COL15A1: variants seen among roughly 807,000 people sequenced by gnomAD.
COL15A1 encodes collagen type XV alpha 1 chain.
A neutral mutation model predicts 165.9 loss-of-function variants in COL15A1; 111 were observed. The ratio of observed to expected loss-of-function variants is 0.67; its 90% CI spans 0.57 to 0.78. COL15A1 has a LOEUF of 0.78. Among genes scored for constraint, COL15A1 ranks in the 30% least tolerant of loss-of-function variants. The pLI, the probability that COL15A1 is intolerant of heterozygous loss-of-function variation, is 0.00. For synonymous variants in COL15A1, 659 were observed against 674.8 expected (o/e 0.98, Z 0.36); for missense variants, 1,745 against 1,789.7 (o/e 0.98, Z 0.45).
chr9:99,064,621 GAGAA>G (rs1037659539), intron 39 of COL15A1, among the ~76,000 whole-genome samples: 28 of 152,290 alleles, frequency 1.8e-4, no homozygotes, highest in African/African-American at 6.5e-4. Context: ...GGAGAAATAT[GAGAA>G]AGAAACTGAG....
At chr9:99,005,739 C>T (rs1185623753) in intron 9 of COL15A1, among the ~76,000 whole-genome samples, 1 of 152,220 alleles carries the variant, frequency 6.6e-6, no homozygotes, top group Non-Finnish European at 1.5e-5. Flanking sequence ...GAATCGCCGG[C>T]TCTGTCCTCC....
chr9:99,047,683 T>C, intron 26 of COL15A1, 103 bp from the exon 27 acceptor site: 1 of 1,204,820 alleles, frequency 8.3e-7, no homozygotes, highest in South Asian at 1.2e-5. Context: ...CTCCTGTCAG[T>C]GGATCATCGT....
intron 11 of COL15A1, among the ~76,000 whole-genome samples, chr9:99,017,523 T>C (rs994748688): frequency 1.3e-5 from 2 of 152,182 alleles, no homozygotes; most frequent in African/African-American, 4.8e-5. Flanking sequence ...AGAACAACTC[T>C]GGTTTTTAAC....
chr9:99,027,074 C>A (rs1033187784), intron 16 of COL15A1, among the ~76,000 whole-genome samples: 24 of 152,322 alleles, frequency 1.6e-4, no homozygotes, highest in African/African-American at 5.8e-4. Context: ...TGTGCTGGTG[C>A]TACCTGGGGC....
intron 9 of COL15A1, among the ~76,000 whole-genome samples, chr9:99,007,646 A>T (rs975247853): frequency 6.6e-6 from 1 of 152,248 alleles, no homozygotes; most frequent in Non-Finnish European, 1.5e-5. Flanking sequence ...AAATTGATAT[A>T]GGTCATATTA....
chr9:98,977,523 C>T lies in COL15A1; in HGVS notation c.101-8042C>T, dbSNP rs550245984. Among the ~76,000 whole-genome samples, 6 of 152,342 alleles carry T rather than the reference C, an allele frequency of 3.9e-5. No homozygotes were observed. In the East Asian group the frequency reaches 7.7e-4, roughly 20 times the overall value. Reference sequence around the variant, plus strand: ...GGGTCACTCCAGGTCAGGGGTCGTCCCCTACCACGCCATGCCATGGGACAG... The same window carrying T: ...GGGTCACTCCAGGTCAGGGGTCGTCTCCTACCACGCCATGCCATGGGACAG... On this transcript the variant is annotated intron_variant, in intron 2 of 41. Coordinates refer to ENST00000375001, the MANE Select transcript of COL15A1 (RefSeq NM_001855.5).
intron 2 of COL15A1, among the ~76,000 whole-genome samples, chr9:98,962,869 A>G (rs1048046902): frequency 4.6e-5 from 7 of 152,212 alleles, no homozygotes; most frequent in African/African-American, 1.4e-4. Context: ...TCCAAGAGGG[A>G]AGGAACTTGT....
intron 24 of COL15A1, among the ~76,000 whole-genome samples, chr9:99,044,255 C>G (rs1158632916): frequency 2.6e-5 from 4 of 152,032 alleles, no homozygotes; most frequent in African/African-American, 7.2e-5. Flanking sequence ...GGATGCAAAT[C>G]TGTTATCAGT....
intron 16 of COL15A1, among the ~76,000 whole-genome samples, chr9:99,031,056 C>T (rs960760909): frequency 3.3e-5 from 5 of 152,182 alleles, no homozygotes; most frequent in Admixed American, 2.0e-4. Flanking sequence ...CTTCTTTCAC[C>T]GAGCACACCT....
intron 39 of COL15A1, 135 bp downstream of exon 39, chr9:99,063,244 A>G: frequency 9.0e-7 from 1 of 1,105,416 alleles, no homozygotes; most frequent in Non-Finnish European, 1.2e-6. Context: ...AAAACAGAGA[A>G]TTACAATACA....
In COL15A1 at chr9:99,055,109, A is replaced by G; in HGVS notation, c.3039A>G (p.Pro1013=). Residue 1013 remains proline (P), a synonymous_variant, in exon 33 of 42, where the codon CCA becomes CCG. Coordinates refer to ENST00000375001, the MANE Select transcript of COL15A1 (RefSeq NM_001855.5). ...DQGAQGPPGP[P]LDLAYLRHFL... is the part of the protein sequence containing the mutation. ...GAAGCATTTCTTTTTCAGGTCCTCC[A>G]CTTGATCTAGCTTACCTGAGACACT... The G allele has an allele frequency of 3.1e-6, 5 of 1,612,374 alleles. No homozygotes were observed. The highest frequency in any genetic ancestry group is 4.2e-6 in the Non-Finnish European group (5 of 1,178,360).
chr9:99,035,458 A>G lies in COL15A1; in HGVS notation c.2289+40A>G, dbSNP rs774018135. Reference sequence around the variant, plus strand: ...AAACCTTCATTATGAGGGTTGTCACACTGTCACACTACAGTGAGGAAGCTG... The same window carrying G: ...AAACCTTCATTATGAGGGTTGTCACGCTGTCACACTACAGTGAGGAAGCTG... On this transcript the variant is annotated intron_variant, in intron 19 of 41. Transcript: ENST00000375001. 19 of 1,612,532 alleles carry G rather than the reference A, an allele frequency of 1.2e-5. No individual in the cohort carries two copies. The South Asian group carries it at 2.1e-4, about 18-fold the overall frequency.
At chr9:98,980,561 C>A (rs1838221158) in intron 2 of COL15A1, among the ~76,000 whole-genome samples, 1 of 152,170 alleles carries the variant, frequency 6.6e-6, no homozygotes. Flanking sequence ...GTAGGGAGTG[C>A]AGCTGGGTCC....
intron 24 of COL15A1, among the ~76,000 whole-genome samples, 166 bp downstream of exon 24, chr9:99,042,273 TA>T (rs56745798): frequency 0.017 from 2,571 of 152,312 alleles, 68 homozygotes; most frequent in African/African-American, 0.06. Context: ...GGTGGGCTCA[TA>T]AGGTTGTACA....
intron 9 of COL15A1, among the ~76,000 whole-genome samples, chr9:99,006,936 C>T (rs1327014440): frequency 6.6e-6 from 1 of 152,204 alleles, no homozygotes; most frequent in Non-Finnish European, 1.5e-5. Context: ...GTTAAGGATG[C>T]ACCTGTGACA....
intron 22 of COL15A1, 103 bp from the exon 23 acceptor site, chr9:99,040,418 G>A: frequency 6.3e-7 from 1 of 1,580,206 alleles, no homozygotes; most frequent in Non-Finnish European, 8.7e-7. Context: ...CCCAGCTGTG[G>A]GAACATGCTG....
At chr9:99,044,494 T>C in intron 24 of COL15A1, 74 bp from the exon 25 acceptor site, 1 of 1,351,150 alleles carries the variant, frequency 7.4e-7, no homozygotes, top group East Asian at 2.3e-5. Context: ...CAAGGAGGAG[T>C]CTCTGTACAA....
intron 35 of COL15A1, among the ~76,000 whole-genome samples, chr9:99,057,247 C>T (rs530647547): frequency 9.0e-4 from 137 of 152,294 alleles, no homozygotes; most frequent in South Asian, 3.3e-3. Flanking sequence ...AGCCATCCTA[C>T]TTGGTATGAA....
intron 4 of COL15A1, among the ~76,000 whole-genome samples, chr9:98,988,933 AT>A (rs1838365273): frequency 6.6e-6 from 1 of 152,034 alleles, no homozygotes; most frequent in Non-Finnish European, 1.5e-5. Context: ...TCTCAAAAAA[AT>A]AAAAAAATAA....
Sources: allele counts gnomAD v4.1 joint callset (sites outside exome capture counted in the v4.1 genomes callset), GRCh38; gene constraint gnomAD v4.1.1; transcripts MANE v1.5; gene names NCBI Gene and HGNC (gene_info 2026-07-23, HGNC 2026-07-21).